Variants in SLC4A4 observed in about 807,000 individuals in gnomAD.
The protein encoded by SLC4A4 is electrogenic sodium bicarbonate cotransporter 1.
A neutral mutation model predicts 111.5 loss-of-function variants in SLC4A4; 27 were observed. The observed-to-expected ratio is 0.24, with a 90% CI of 0.18 to 0.33. SLC4A4 has a LOEUF of 0.33. Among genes scored for constraint, SLC4A4 ranks in the 10% least tolerant of loss-of-function variants. SLC4A4 has a pLI of 1.00. For missense variants in SLC4A4, 909 were observed against 1,315.5 expected (o/e 0.69, Z 4.78); for synonymous variants, 443 against 463.4 (o/e 0.96, Z 0.57).
At chr4:71,155,318 T>G (rs887594464) in intron 2 of SLC4A4, among the ~76,000 whole-genome samples, 1 of 152,054 alleles carries the variant, frequency 6.6e-6, no homozygotes, top group Non-Finnish European at 1.5e-5. Context: ...AATTAAGGTA[T>G]CTCCATTTCA....
intron 6 of SLC4A4, among the ~76,000 whole-genome samples, chr4:71,385,378 A>G (rs1718613693): frequency 1.3e-5 from 2 of 151,050 alleles, no homozygotes; most frequent in African/African-American, 4.9e-5. Context: ...TTGTATTTTT[A>G]ATAGAGACGG....
At position 71,135,742 on chromosome 4, in the gene SLC4A4, C is replaced by G. The variant is rs192266699; in HGVS notation, c.-2+42950C>G. On this transcript the variant is annotated intron_variant, in intron 2 of 26. Coordinates refer to the SLC4A4 transcript ENST00000649996. ...TGACATAATCCAATCCCCACCACCC[C>G]ACCCCTGACAACCACCATTCTACTT... 7.9e-4 allele frequency among the ~76,000 whole-genome samples: 121 copies of G among 152,270 alleles called. 2 individuals are homozygous for G. Among genetic ancestry groups the G allele is most frequent in the Non-Finnish European group, 1.8e-4 (12 of 68,028 alleles).
chr4:71,387,639 C>T (rs1022046520), intron 6 of SLC4A4, among the ~76,000 whole-genome samples: 3 of 152,176 alleles, frequency 2.0e-5, no homozygotes, highest in East Asian at 1.9e-4. Flanking sequence ...GGATTACAGG[C>T]GTGCACCACC....
chr4:71,486,454 C>T (rs868587807), intron 14 of SLC4A4, among the ~76,000 whole-genome samples: 1 of 151,314 alleles, frequency 6.6e-6, no homozygotes, highest in Middle Eastern at 3.2e-3. Flanking sequence ...TTAATACTGT[C>T]TCTTGTTTTC....
At chr4:71,295,416 A>G (rs1335675912) in intron 3 of SLC4A4, among the ~76,000 whole-genome samples, 1 of 152,172 alleles carries the variant, frequency 6.6e-6, no homozygotes, top group African/African-American at 2.4e-5. Flanking sequence ...TTAAATATCA[A>G]CAGAAGAAAT....
At chr4:71,183,215 G>A (rs935229234), upstream of SLC4A4, among the ~76,000 whole-genome samples, 2 of 152,146 alleles carry the variant, frequency 1.3e-5, no homozygotes, top group Non-Finnish European at 2.9e-5. Flanking sequence ...ATAAGCTCCT[G>A]TTTTCAGAAG....
intron 20 of SLC4A4, among the ~76,000 whole-genome samples, chr4:71,551,622 A>G (rs1736002885): frequency 1.3e-5 from 2 of 151,988 alleles, no homozygotes; most frequent in South Asian, 4.1e-4. Flanking sequence ...CAGTTCTGAC[A>G]TGAAAGCCAA....
intron 16 of SLC4A4, among the ~76,000 whole-genome samples, chr4:71,519,572 C>T (rs1382116867): frequency 6.6e-6 from 1 of 152,188 alleles, no homozygotes; most frequent in Non-Finnish European, 1.5e-5. Context: ...TACCCCAACT[C>T]ATTTCACATT....
At chr4:71,279,008 T>C (rs1478059960) in intron 3 of SLC4A4, among the ~76,000 whole-genome samples, 1 of 152,238 alleles carries the variant, frequency 6.6e-6, no homozygotes, top group Non-Finnish European at 1.5e-5. Flanking sequence ...GATTAATGTA[T>C]ATACCGTGAA....
intron 3 of SLC4A4, among the ~76,000 whole-genome samples, chr4:71,306,078 G>A (rs911278448): frequency 3.9e-5 from 6 of 152,166 alleles, no homozygotes; most frequent in Non-Finnish European, 5.9e-5. Flanking sequence ...TCCTTCCTAT[G>A]TTTCTTGTTA....
rs1007449828 is a variant in SLC4A4 at position 71,152,899 on chromosome 4, T to A, written c.-2+60107T>A. On this transcript the variant is annotated intron_variant, in intron 2 of 26. Transcript: ENST00000649996. Reference sequence around the variant, plus strand: ...AAGAATTATTTTATCCTCAGGAAAGTGTCATTTTGGATGAAAAGGACTGGT... The same window carrying A: ...AAGAATTATTTTATCCTCAGGAAAGAGTCATTTTGGATGAAAAGGACTGGT... Among the ~76,000 whole-genome samples the A allele has an allele frequency of 3.3e-5, 5 of 151,242 alleles. No homozygotes were observed. In the Admixed American group the frequency reaches 3.3e-4, roughly 10 times the overall value.
At chr4:71,244,003 T>G (rs1347891344) in intron 2 of SLC4A4, among the ~76,000 whole-genome samples, 1 of 152,090 alleles carries the variant, frequency 6.6e-6, no homozygotes, top group Non-Finnish European at 1.5e-5. Flanking sequence ...GTATATCAGC[T>G]TTAGAGGAAT....
intron 5 of SLC4A4, among the ~76,000 whole-genome samples, chr4:71,351,029 A>C (rs757527611): frequency 5.3e-5 from 8 of 152,236 alleles, no homozygotes; most frequent in Non-Finnish European, 8.8e-5. Context: ...AGCTACTGAT[A>C]GAAAATGGAA....
intron 23 of SLC4A4, among the ~76,000 whole-genome samples, chr4:71,562,135 A>G (rs16846610): frequency 0.01 from 1,560 of 151,740 alleles, 24 homozygotes; most frequent in African/African-American, 0.036. Context: ...ACCATGTTCA[A>G]CTCTGTGTTT....
intron 2 of SLC4A4, among the ~76,000 whole-genome samples, chr4:71,173,783 T>C (rs1193847127): frequency 3.9e-5 from 6 of 152,070 alleles, no homozygotes; most frequent in Admixed American, 2.0e-4. Context: ...TCTGAAACAG[T>C]TGACCATGTA....
At chr4:71,537,853 C>T (rs1215337170) in intron 18 of SLC4A4, among the ~76,000 whole-genome samples, 2 of 152,030 alleles carry the variant, frequency 1.3e-5, no homozygotes, top group Admixed American at 6.6e-5. Flanking sequence ...TAATTCAGGC[C>T]GTAAGCCTCC....
intron 2 of SLC4A4, among the ~76,000 whole-genome samples, chr4:71,163,926 G>A (rs1444264159): frequency 1.3e-5 from 2 of 152,180 alleles, no homozygotes; most frequent in East Asian, 3.8e-4. Flanking sequence ...AATATAACAA[G>A]CCCCTACATT....
intron 3 of SLC4A4, chr4:71,300,673 A>G: frequency 2.6e-6 from 1 of 384,822 alleles, no homozygotes; most frequent in East Asian, 6.9e-5. Context: ...GAGGAGCAGC[A>G]GGCCCAGCGG....
Position 71,177,537 on chromosome 4 carries a change from TGATA to T in SLC4A4, c.-1-59038_-1-59035del, listed in dbSNP as rs1414086469. Among the ~76,000 whole-genome samples, 400 of 152,246 alleles carry T rather than the reference TGATA, an allele frequency of 2.6e-3. 3 individuals are homozygous for T. The highest frequency in any genetic ancestry group is 9.4e-3 in the African/African-American group (391 of 41,522). On this transcript the variant is annotated intron_variant, in intron 2 of 26. Transcript: ENST00000649996. The stretch of plus-strand genomic sequence containing the variant: ...AGGCAGGGGTTGCAATCCTAGTCTC[TGATA>T]AAGCAGACTTTAAACCAACAGAGAT...
Sources: gnomAD v4.1 joint callset for allele counts (sites outside exome capture counted in the v4.1 genomes callset) on GRCh38, gnomAD v4.1.1 for gene constraint, MANE v1.5 for transcripts, NCBI Gene and HGNC (gene_info 2026-07-23, HGNC 2026-07-21) for gene names.